ZNF112: variants seen among roughly 807,000 people sequenced by gnomAD.
ZNF112 encodes zinc finger protein 112.
Under a neutral mutation model 77.7 loss-of-function variants are expected in ZNF112, and 37 were observed. The ratio of observed to expected loss-of-function variants is 0.48; its 90% CI spans 0.37 to 0.63. The LOEUF (loss-of-function observed/expected upper bound fraction) is 0.63. Ranked by LOEUF, ZNF112 falls within the 20% of genes least tolerant of loss-of-function variation. ZNF112 has a pLI of 0.00. For missense variants in ZNF112, 950 were observed against 1,077.4 expected, an observed-to-expected ratio of 0.88 and a Z score of 1.66; for synonymous variants, 333 against 363.6, an observed-to-expected ratio of 0.92 and a Z score of 0.96.
chr19:44,354,324 T>C (rs1379586415), intron 1 of ZNF112, among the ~76,000 whole-genome samples: 2 of 152,108 alleles, frequency 1.3e-5, no homozygotes, highest in Non-Finnish European at 2.9e-5. Flanking sequence ...TGTAATAGAA[T>C]TGTATACCAA....
At chr19:44,354,712 T>C (rs1970755008) in intron 1 of ZNF112, among the ~76,000 whole-genome samples, 1 of 152,174 alleles carries the variant, frequency 6.6e-6, no homozygotes. Context: ...GCTGGGCACA[T>C]GGAGAAAAGT....
chr19:44,360,006 C>A (rs1462295750), upstream of ZNF112, among the ~76,000 whole-genome samples: 1 of 151,812 alleles, frequency 6.6e-6, no homozygotes, highest in Non-Finnish European at 1.5e-5. Flanking sequence ...CCTGTAATCC[C>A]AGCACTTTGT....
In ZNF112 at chr19:44,327,628, C is replaced by G. The variant is rs1970151706; in HGVS notation, c.2529G>C (p.Gln843His). 6.2e-7 allele frequency: 1 copy of G among 1,613,068 alleles called. No individual in the cohort carries two copies. The highest frequency in any genetic ancestry group is 8.5e-7 in the Non-Finnish European group (1 of 1,179,688). ...GKGFSQRSNL[Q>H]AHQRVHTGEK... ...CTCCTGTGTGGACTCTCTGGTGAGC[C>G]TGAAGATTTGATCTCTGACTGAAGC... Residue 843 changes from glutamine (Q) to histidine (H), a missense_variant, in exon 4 of 4, where the codon CAG becomes CAC. Coordinates refer to ENST00000354340, the MANE Select transcript of ZNF112 (RefSeq NM_013380.4).
chr19:44,365,320 T>G (rs1178383353), intron 1 of ZNF112, among the ~76,000 whole-genome samples: 2 of 152,010 alleles, frequency 1.3e-5, no homozygotes, highest in Non-Finnish European at 2.9e-5. Context: ...CTGCTCACTG[T>G]GGTGTGAACC....
Position 44,327,885 on chromosome 19 carries a change from GGC to G in ZNF112, c.2270_2271del (p.Arg757ProfsTer2). 5 of 1,614,032 alleles carry G rather than the reference GGC, an allele frequency of 3.1e-6. No individual in the cohort carries two copies. Among genetic ancestry groups the G allele is most frequent in the Non-Finnish European group, 4.2e-6 (5 of 1,180,004 alleles). ...GTGTGAACCCTCCGATGTGCTTCAAGGCGCGAACTCTGACTAAAGCCCTTCCC... is the reference window on the plus strand; with the variant it reads ...GTGTGAACCCTCCGATGTGCTTCAAGGCGAACTCTGACTAAAGCCCTTCCC... ...MCGKGFSQSS[R>X]LEAHRRVHTG... On this transcript the variant is annotated frameshift_variant, in exon 4 of 4. Coordinates refer to ENST00000354340, the MANE Select transcript of ZNF112 (RefSeq NM_013380.4). LOFTEE classifies it high-confidence loss of function.
rs528465069 is a variant in ZNF112, at chr19:44,326,647, G to A, written c.*786C>T. On this transcript the variant is annotated 3_prime_UTR_variant, in exon 4 of 4. Coordinates refer to ENST00000354340, the MANE Select transcript of ZNF112 (RefSeq NM_013380.4). ...CAGTAAAACTCTGCCTTAATTCACA[G>A]GGCAGGAGTAGAAAATCAATTATGT... 6.6e-6 allele frequency: 1 copy of A among 152,154 alleles called. No individual in the cohort carries two copies. The highest frequency in any genetic ancestry group is 6.5e-5 in the Admixed American group (1 of 15,270). 9.4% of individuals were successfully genotyped at this position (152,154 alleles called of 1,614,324 possible).
At chr19:44,341,233 C>A in intron 1 of ZNF112, 1 of 455,424 alleles carries the variant, frequency 2.2e-6, no homozygotes. Context: ...TCTTCTATCC[C>A]ATTTCTGGGC....
rs1313275113 is a variant in ZNF112 at position 44,342,245 on chromosome 19, A to G, written c.-3-1703T>C. 3.3e-5 allele frequency among the ~76,000 whole-genome samples: 5 copies of G among 150,982 alleles called. No homozygotes were observed. The South Asian group carries it at 6.2e-4, about 19-fold the overall frequency. On this transcript the variant is annotated intron_variant, in intron 1 of 3. Coordinates refer to ENST00000354340, the MANE Select transcript of ZNF112 (RefSeq NM_013380.4). ...CTGAGAAGAATCTAGCTCTTCTTAT[A>G]TAAGAATCTAGCTCTTCTTGTACAA... is the stretch of plus-strand genomic sequence containing the variant.
rs1970127573 is a variant in ZNF112 at position 44,326,674 on chromosome 19, A to ATCC, written c.*758_*759insGGA. On this transcript the variant is annotated 3_prime_UTR_variant, in exon 4 of 4. Coordinates refer to ENST00000354340, the MANE Select transcript of ZNF112 (RefSeq NM_013380.4). ...GCAGGAGTAGAAAATCAATTATGTAAAATACAGTGTTCCATTTTTGCAACA... is the reference window on the plus strand; with the variant it reads ...GCAGGAGTAGAAAATCAATTATGTAATCCAATACAGTGTTCCATTTTTGCAACA... 3 of 152,200 alleles carry ATCC rather than the reference A, an allele frequency of 2.0e-5. No individual in the cohort carries two copies. The highest frequency in any genetic ancestry group is 4.4e-5 in the Non-Finnish European group (3 of 68,032). The allele number at this position is 152,200 out of a possible 1,614,324, so 9.4% of individuals were successfully genotyped here.
intron 1 of ZNF112, among the ~76,000 whole-genome samples, chr19:44,352,201 T>G (rs922726646): frequency 6.6e-6 from 1 of 151,948 alleles, no homozygotes; most frequent in African/African-American, 2.4e-5. Context: ...AACTCAGAAA[T>G]GTACACCAAA....
rs189870060 is a variant in ZNF112, at chr19:44,328,823, C to T, written c.1334G>A (p.Gly445Asp). The T allele has an allele frequency of 6.2e-7, 1 of 1,613,988 alleles. No homozygotes were observed. Among genetic ancestry groups the T allele is most frequent in the East Asian group, 2.2e-5 (1 of 44,876 alleles). ...CTGAAAATGTGAGGCCAGACTGAAG[C>T]CATTACCACACTCCTCAGAATTATA... ...NSYNSEECGN[G>D]FSLASHFQDL... Residue 445 changes from glycine (G) to aspartate (D), a missense_variant, in exon 4 of 4, where the codon GGC becomes GAC. Coordinates refer to ENST00000354340, the MANE Select transcript of ZNF112 (RefSeq NM_013380.4).
At chr19:44,360,468 A>G (rs1970845200), upstream of ZNF112, among the ~76,000 whole-genome samples, 1 of 152,186 alleles carries the variant, frequency 6.6e-6, no homozygotes, top group Admixed American at 6.5e-5. Flanking sequence ...AAAAATGGCA[A>G]CAAATATCAA....
In ZNF112 at chr19:44,329,359, G is replaced by A. The variant is rs764596566; in HGVS notation, c.798C>T (p.Ser266=). 9.9e-6 allele frequency: 16 copies of A among 1,613,690 alleles called. No individual in the cohort carries two copies. In the East Asian group the frequency reaches 3.3e-4, roughly 34 times the overall value. The part of the protein sequence containing the change: ...GYRKAFSNDS[S]SEVHQQFHLE... ...AGTGGAACTGCTGATGAACCTCAGA[G>A]CTGGAGTCATTACTGAAGGCTTTTC... The change falls in exon 4 of 4, where the codon AGC becomes AGT. Residue 266 remains serine, a synonymous_variant. Transcript: ENST00000354340.
intron 1 of ZNF112, among the ~76,000 whole-genome samples, chr19:44,345,795 T>G (rs1970578016): frequency 6.6e-6 from 1 of 152,184 alleles, no homozygotes; most frequent in Admixed American, 6.5e-5. Context: ...AATCACTTGA[T>G]CTCATAAAAG....
At chr19:44,358,872 C>T (rs1970825521), upstream of ZNF112, among the ~76,000 whole-genome samples, 1 of 152,070 alleles carries the variant, frequency 6.6e-6, no homozygotes, top group Admixed American at 6.5e-5. Context: ...ACCTCCACAC[C>T]CCCAATCTGG....
intron 1 of ZNF112, among the ~76,000 whole-genome samples, chr19:44,354,356 C>T (rs1323487374): frequency 2.0e-5 from 3 of 152,088 alleles, no homozygotes; most frequent in Non-Finnish European, 4.4e-5. Context: ...TAGTCAATGT[C>T]ACTGTAAAAA....
intron 1 of ZNF112, among the ~76,000 whole-genome samples, chr19:44,341,491 C>T (rs779849269): frequency 8.8e-4 from 134 of 152,242 alleles, no homozygotes; most frequent in Non-Finnish European, 1.4e-3. Flanking sequence ...AACAGACTTT[C>T]GCCTTCCATC....
At chr19:44,340,891 C>A (rs1443829431) in intron 1 of ZNF112, among the ~76,000 whole-genome samples, 10 of 152,200 alleles carry the variant, frequency 6.6e-5, no homozygotes, top group Non-Finnish European at 1.5e-5. Flanking sequence ...TTTACACACA[C>A]ACACATCACT....
chr19:44,353,996 T>C (rs775420941), intron 1 of ZNF112, among the ~76,000 whole-genome samples: 4 of 152,172 alleles, frequency 2.6e-5, no homozygotes, highest in Non-Finnish European at 5.9e-5. Context: ...TAAACTGTGA[T>C]ACATCCATAA....
Sources: gnomAD v4.1 joint callset for allele counts (sites outside exome capture counted in the v4.1 genomes callset) on GRCh38, gnomAD v4.1.1 for gene constraint, MANE v1.5 for transcripts, NCBI Gene and HGNC (gene_info 2026-07-23, HGNC 2026-07-21) for gene names.